Variants in MYO1D observed in about 807,000 individuals in gnomAD.
MYO1D encodes the protein unconventional myosin-Id.
A neutral mutation model predicts 122.0 loss-of-function variants in MYO1D; 83 were observed. The ratio of observed to expected loss-of-function variants is 0.68; its 90% CI spans 0.57 to 0.82. The LOEUF (loss-of-function observed/expected upper bound fraction) is 0.82, where lower values mean the gene tolerates loss of function less well. Ranked by LOEUF, MYO1D falls within the 40% of genes least tolerant of loss-of-function variation. The pLI, the probability that MYO1D is intolerant of heterozygous loss-of-function variation, is 0.00. For synonymous variants in MYO1D, 464 were observed against 446.9 expected (o/e 1.04, Z -0.48); for missense variants, 1,157 against 1,269.5 (o/e 0.91, Z 1.35).
At chr17:32,841,283 A>G (rs911349751) in intron 1 of MYO1D, among the ~76,000 whole-genome samples, 4 of 152,056 alleles carry the variant, frequency 2.6e-5, no homozygotes, top group Non-Finnish European at 5.9e-5. Context: ...CCTGGGTAAC[A>G]TGGCAAAAAT....
chr17:32,610,796 T>C (rs2087690811), intron 20 of MYO1D, among the ~76,000 whole-genome samples: 1 of 152,196 alleles, frequency 6.6e-6, no homozygotes, highest in African/African-American at 2.4e-5. Flanking sequence ...ATGGAAGGTA[T>C]TTTGTGAAAC....
At chr17:32,846,140 G>C (rs1458869625) in intron 1 of MYO1D, among the ~76,000 whole-genome samples, 2 of 152,110 alleles carry the variant, frequency 1.3e-5, no homozygotes, top group Non-Finnish European at 2.9e-5. Flanking sequence ...CCCAACATGG[G>C]CTTTGTCCCA....
chr17:32,769,028 A>G (rs1357266835), intron 6 of MYO1D, among the ~76,000 whole-genome samples: 1 of 152,192 alleles, frequency 6.6e-6, no homozygotes, highest in Non-Finnish European at 1.5e-5. Context: ...GCATCTACCT[A>G]GCCTCAAGAG....
At chr17:32,805,025 G>A (rs771017743) in intron 1 of MYO1D, among the ~76,000 whole-genome samples, 17 of 152,146 alleles carry the variant, frequency 1.1e-4, no homozygotes, top group Non-Finnish European at 2.2e-4. Flanking sequence ...TGTATTAAGA[G>A]GTAGGGCCTT....
At chr17:32,821,330 T>C (rs1261569536) in intron 1 of MYO1D, among the ~76,000 whole-genome samples, 1 of 152,180 alleles carries the variant, frequency 6.6e-6, no homozygotes, top group Non-Finnish European at 1.5e-5. Flanking sequence ...ATCTCTAATA[T>C]AACTATCACT....
chr17:32,673,281 T>G (rs1279230231), intron 16 of MYO1D, among the ~76,000 whole-genome samples: 4 of 151,636 alleles, frequency 2.6e-5, no homozygotes, highest in Admixed American at 6.6e-5. Context: ...TTTTTTGTAT[T>G]TTAGTAGAAA....
intron 21 of MYO1D, among the ~76,000 whole-genome samples, chr17:32,559,593 T>C (rs2087099629): frequency 6.6e-6 from 1 of 152,244 alleles, no homozygotes. Flanking sequence ...TCTGACCATG[T>C]GGCAGCCCCA....
At chr17:32,645,902 T>C (rs1286910433) in intron 19 of MYO1D, among the ~76,000 whole-genome samples, 1 of 152,244 alleles carries the variant, frequency 6.6e-6, no homozygotes, top group Non-Finnish European at 1.5e-5. Flanking sequence ...TTCTCTCAGC[T>C]CGTCAAAGTC....
intron 20 of MYO1D, among the ~76,000 whole-genome samples, chr17:32,610,028 G>A (rs978902707): frequency 1.3e-5 from 2 of 152,150 alleles, no homozygotes; most frequent in Non-Finnish European, 2.9e-5. Flanking sequence ...GCACTTCACA[G>A]GAGAGCTTGA....
intron 1 of MYO1D, among the ~76,000 whole-genome samples, chr17:32,837,945 A>T (rs1214338663): frequency 2.0e-5 from 3 of 148,284 alleles, no homozygotes; most frequent in Non-Finnish European, 4.5e-5. Flanking sequence ...CTCATTCACT[A>T]AGGTATTGTG....
chr17:32,691,421 T>C (rs963820121), intron 16 of MYO1D, among the ~76,000 whole-genome samples: 4 of 149,334 alleles, frequency 2.7e-5, no homozygotes, highest in African/African-American at 9.9e-5. Context: ...TTTTTTTTTT[T>C]TTTGAGATGG....
chr17:32,844,449 T>A (rs5013506), intron 1 of MYO1D, among the ~76,000 whole-genome samples: 3 of 146,566 alleles, frequency 2.0e-5, no homozygotes, highest in African/African-American at 7.5e-5. Context: ...ATATATAATA[T>A]GTGGCTCATA....
chr17:32,505,957 G>A (rs891581653), intron 21 of MYO1D, among the ~76,000 whole-genome samples: 2 of 152,198 alleles, frequency 1.3e-5, no homozygotes, highest in African/African-American at 2.4e-5. Flanking sequence ...GGTCGCTCAC[G>A]CCTGTAATCC....
intron 21 of MYO1D, among the ~76,000 whole-genome samples, chr17:32,563,204 CTCTTTTTTTTTTTTTT>C: frequency 9.5e-6 from 1 of 105,140 alleles, no homozygotes; most frequent in East Asian, 2.7e-4. Flanking sequence ...TTTTTCTTCT[CTCTTTTTTTTTTTTTT>C]TTTTTTTGAG....
chr17:32,537,461 A>G (rs981672514), intron 21 of MYO1D, among the ~76,000 whole-genome samples: 6 of 152,230 alleles, frequency 3.9e-5, no homozygotes, highest in Admixed American at 2.0e-4. Context: ...TCTTTACAGA[A>G]AAAAGTTTGC....
At chr17:32,683,907 G>A (rs911797946) in intron 16 of MYO1D, among the ~76,000 whole-genome samples, 1 of 152,046 alleles carries the variant, frequency 6.6e-6, no homozygotes, top group East Asian at 1.9e-4. Context: ...AGACTCCGTG[G>A]GCGTAGGACC....
At chr17:32,737,771 C>T (rs75224270) in intron 14 of MYO1D, among the ~76,000 whole-genome samples, 3,826 of 152,284 alleles carry the variant, frequency 0.025, 155 homozygotes, top group African/African-American at 0.087. Flanking sequence ...CAGGCCAATA[C>T]GTCTTTATAT....
chr17:32,783,707 G>C (rs1049427421), intron 1 of MYO1D, among the ~76,000 whole-genome samples: 1 of 152,174 alleles, frequency 6.6e-6, no homozygotes, highest in Non-Finnish European at 1.5e-5. Flanking sequence ...ATCACCACTA[G>C]GTGGTGCCAA....
Position 32,659,167 on chromosome 17 carries a change from G to A in MYO1D, c.2293C>T (p.Pro765Ser), listed in dbSNP as rs7209106. 1.9e-3 allele frequency: 3,013 copies of A among 1,614,138 alleles called. 22 individuals carry two copies. In the Middle Eastern group the frequency reaches 0.023, roughly 12 times the overall value. The change falls in exon 17 of 22, where the codon CCT becomes TCT. Residue 765 changes from proline to serine, a missense_variant. By Grantham distance (74) the Pro-to-Ser change is moderately conservative. Coordinates refer to ENST00000318217, the MANE Select transcript of MYO1D (RefSeq NM_015194.3). ...TCAAAACGGCGAAGAACTTTAGGAGGGCTTGGCCACTTCACGTGCTTCCCG... is the reference window on the plus strand; with the variant it reads ...TCAAAACGGCGAAGAACTTTAGGAGAGCTTGGCCACTTCACGTGCTTCCCG... Reference protein sequence around the residue: ...DYGKHVKWPSPPKVLRRFEEA... With the variant: ...DYGKHVKWPSSPKVLRRFEEA...
Sources: allele counts gnomAD v4.1 joint callset (sites outside exome capture counted in the v4.1 genomes callset), GRCh38; gene constraint gnomAD v4.1.1; transcripts MANE v1.5; gene names NCBI Gene and HGNC (gene_info 2026-07-23, HGNC 2026-07-21).